PALS2: variants seen among roughly 807,000 people sequenced by gnomAD.
The protein encoded by PALS2 is protein associated with LIN7 2, MAGUK p55 family member, also known as protein PALS2.
Under a neutral mutation model 61.6 loss-of-function variants are expected in PALS2, and 27 were observed. The observed-to-expected ratio is 0.44, with a 90% CI of 0.32 to 0.60. The LOEUF is 0.60. Ranked by LOEUF, PALS2 falls within the 20% of genes least tolerant of loss-of-function variation. The pLI is 0.05. For missense variants in PALS2, 554 were observed against 639.4 expected, an observed-to-expected ratio of 0.87 and a Z score of 1.44; for synonymous variants, 236 against 218.6, an observed-to-expected ratio of 1.08 and a Z score of -0.70.
At chr7:24,625,961 G>A (rs1393361156) in intron 2 of PALS2, among the ~76,000 whole-genome samples, 2 of 151,814 alleles carry the variant, frequency 1.3e-5, no homozygotes, top group African/African-American at 4.8e-5. Flanking sequence ...CAAATAGAAG[G>A]AAAAAAGAGG....
chr7:24,596,021 A>T lies in PALS2; in HGVS notation c.-3+22428A>T, dbSNP rs1415287004. 6.6e-6 allele frequency among the ~76,000 whole-genome samples: 1 copy of T among 151,948 alleles called. No individual in the cohort carries two copies. Among genetic ancestry groups the T allele is most frequent in the African/African-American group, 2.4e-5 (1 of 41,386 alleles). On this transcript the variant is annotated intron_variant, in intron 1 of 11. Coordinates refer to ENST00000222644, the MANE Select transcript of PALS2 (RefSeq NM_001303037.2). This position sits in a 1 kb window ranked among gnomAD's most constrained non-coding sequence, Gnocchi z 4.5. Reference sequence around the variant, plus strand: ...TTGGAGAAGTTGAACGCAGAGAGGTACAGTGGGTGACAAATCATGAAGGCG... The same window carrying T: ...TTGGAGAAGTTGAACGCAGAGAGGTTCAGTGGGTGACAAATCATGAAGGCG...
At chr7:24,608,019 A>C (rs1168236877) in intron 1 of PALS2, among the ~76,000 whole-genome samples, 7 of 152,166 alleles carry the variant, frequency 4.6e-5, no homozygotes. Context: ...TAATTAGACT[A>C]CATCTTTTAC....
At chr7:24,683,317 G>A (rs548761197) in intron 11 of PALS2, among the ~76,000 whole-genome samples, 1 of 152,184 alleles carries the variant, frequency 6.6e-6, no homozygotes, top group Non-Finnish European at 1.5e-5. Flanking sequence ...TTGTAGGTCA[G>A]CTTTCAGAAT....
chr7:24,676,473 C>T (rs575177101), intron 9 of PALS2, among the ~76,000 whole-genome samples: 24 of 151,642 alleles, frequency 1.6e-4, no homozygotes, highest in South Asian at 1.5e-3. Flanking sequence ...TGAATGGTAA[C>T]GCCTAGGTTT....
intron 1 of PALS2, among the ~76,000 whole-genome samples, chr7:24,602,925 C>T (rs1334404385): frequency 1.3e-5 from 2 of 152,246 alleles, no homozygotes; most frequent in East Asian, 3.9e-4. Flanking sequence ...TTCCCTGCTG[C>T]CACTCATTCT....
rs1288918374 is a variant in PALS2 at position 24,674,402 on chromosome 7, TCAGTGC to T, written c.1115-4728_1115-4723del. 1.6e-4 allele frequency: 25 copies of T among 153,426 alleles called. No homozygotes were observed. In the South Asian group the frequency reaches 3.1e-3, roughly 19 times the overall value. The allele number at this position is 153,426 out of a possible 1,614,324, so 9.5% of individuals were successfully genotyped here. ...TGAATTAGCCATATGATTCAGCTCT[TCAGTGC>T]TCACCACAGTGCTGATCTTTTTCCC... On this transcript the variant is annotated intron_variant, in intron 9 of 11. Coordinates refer to ENST00000222644, the MANE Select transcript of PALS2 (RefSeq NM_001303037.2).
chr7:24,609,216 C>T (rs1784028909), intron 1 of PALS2, among the ~76,000 whole-genome samples: 1 of 152,104 alleles, frequency 6.6e-6, no homozygotes, highest in Non-Finnish European at 1.5e-5. Context: ...AGGATTATAT[C>T]TGATGAGGAT....
intron 5 of PALS2, among the ~76,000 whole-genome samples, chr7:24,660,924 ATAAAG>A (rs1786686145): frequency 1.3e-5 from 2 of 152,220 alleles, no homozygotes; most frequent in South Asian, 4.1e-4. Context: ...AAAAAATGTT[ATAAAG>A]TAGTTTTAAT....
Position 24,689,397 on chromosome 7 carries a change from G to A in PALS2, c.*1783G>A, listed in dbSNP as rs1484865274. The A allele has an allele frequency of 6.6e-6, 1 of 152,106 alleles. No homozygotes were observed. Among genetic ancestry groups the A allele is most frequent in the African/African-American group, 2.4e-5 (1 of 41,422 alleles). 9.4% of individuals were successfully genotyped at this position (152,106 alleles called of 1,614,324 possible). Reference sequence around the variant, plus strand: ...GTCTGGTGTTAGGTGCCAGACACCTGGCTGCTGAATTTGTTTTTTCCCTCA... The same window carrying A: ...GTCTGGTGTTAGGTGCCAGACACCTAGCTGCTGAATTTGTTTTTTCCCTCA... On this transcript the variant is annotated 3_prime_UTR_variant, in exon 12 of 12. Transcript: ENST00000222644.
At chr7:24,652,636 T>C (rs1239481800) in intron 5 of PALS2, among the ~76,000 whole-genome samples, 1 of 151,962 alleles carries the variant, frequency 6.6e-6, no homozygotes, top group African/African-American at 2.4e-5. Context: ...TATGCTGGAA[T>C]AATAGGCATA....
chr7:24,599,525 T>TTTA (rs4000763), intron 1 of PALS2, among the ~76,000 whole-genome samples: 1 of 143,624 alleles, frequency 7.0e-6, no homozygotes, highest in African/African-American at 2.6e-5. Flanking sequence ...TTTTTTTTTT[T>TTTA]ATGGAGTCTT....
intron 9 of PALS2, 113 bp from the exon 10 acceptor site, chr7:24,679,018 G>T (rs959311732): frequency 6.1e-6 from 5 of 817,422 alleles, no homozygotes; most frequent in Admixed American, 2.2e-5. Flanking sequence ...TCTGGTCATA[G>T]CCTACAGTTT....
intron 1 of PALS2, among the ~76,000 whole-genome samples, chr7:24,576,312 A>G (rs1267879968): frequency 1.3e-5 from 2 of 152,054 alleles, no homozygotes; most frequent in Admixed American, 6.6e-5. Flanking sequence ...AGCTGCAATG[A>G]TTTTCCTCCT....
In PALS2 at chr7:24,618,146, A is replaced by C. The variant is rs532090504; in HGVS notation, c.-2-5520A>C. On this transcript the variant is annotated intron_variant, in intron 1 of 11. Transcript: ENST00000222644. The surrounding 1 kb of genome is among the most constrained non-coding windows in gnomAD (Gnocchi z 5.1). ...TTTCAGGCTCAGGACATGGGTGTGCAACTACCCGGCCACCATGGGGACATG... is the reference window on the plus strand; with the variant it reads ...TTTCAGGCTCAGGACATGGGTGTGCCACTACCCGGCCACCATGGGGACATG... Among the ~76,000 whole-genome samples the C allele has an allele frequency of 1.3e-5, 2 of 152,212 alleles. No individual in the cohort carries two copies. The highest frequency in any genetic ancestry group is 4.8e-5 in the African/African-American group (2 of 41,518).
rs138893524 is a variant in PALS2, at chr7:24,641,973, A to G, written c.270+105A>G. 1.6e-4 allele frequency: 200 copies of G among 1,238,962 alleles called. No individual in the cohort carries two copies. In the African/African-American group the frequency reaches 2.7e-3, roughly 17 times the overall value. The allele number at this position is 1,238,962 out of a possible 1,614,324, so 76.7% of individuals were successfully genotyped here. On this transcript the variant is annotated intron_variant, in intron 3 of 11. Coordinates refer to ENST00000222644, the MANE Select transcript of PALS2 (RefSeq NM_001303037.2). ...TTTTCTTCAAAGATTATTTAGGGCTATAATAGGTAAGTATGTAAATTCCAA... is the reference window on the plus strand; with the variant it reads ...TTTTCTTCAAAGATTATTTAGGGCTGTAATAGGTAAGTATGTAAATTCCAA...
chr7:24,659,948 C>T (rs1464563758), intron 5 of PALS2, among the ~76,000 whole-genome samples: 3 of 152,192 alleles, frequency 2.0e-5, no homozygotes, highest in Admixed American at 6.5e-5. Flanking sequence ...AGTTCATCTC[C>T]TCAACTTAGA....
rs553397522 is a variant in PALS2 at position 24,677,536 on chromosome 7, G to A, written c.1115-1595G>A. On this transcript the variant is annotated intron_variant, in intron 9 of 11. Coordinates refer to ENST00000222644, the MANE Select transcript of PALS2 (RefSeq NM_001303037.2). ...TCATAGATAGCTCTTATTATTTTGA[G>A]ATACGTCCCATCAATACCTAATTTA... Among the ~76,000 whole-genome samples the A allele has an allele frequency of 1.6e-4, 24 of 151,786 alleles. No individual in the cohort carries two copies. The South Asian group carries it at 4.0e-3, about 25-fold the overall frequency.
At chr7:24,665,982 A>T in intron 7 of PALS2, 39 bp from the exon 8 acceptor site, 1 of 1,557,372 alleles carries the variant, frequency 6.4e-7, no homozygotes, top group Admixed American at 1.7e-5. Flanking sequence ...TCATATTCTG[A>T]TATACTGCTT....
chr7:24,663,527 AT>A, intron 5 of PALS2, 62 bp from the exon 6 acceptor site: 1 of 1,440,640 alleles, frequency 6.9e-7, no homozygotes, highest in East Asian at 2.4e-5. Context: ...TTTGACAAGG[AT>A]TTTTTAAATT....
Sources: gnomAD v4.1 joint callset for allele counts (sites outside exome capture counted in the v4.1 genomes callset) on GRCh38, gnomAD v4.1.1 for gene constraint, Gnocchi (gnomAD v3.1) non-coding constraint, MANE v1.5 for transcripts, NCBI Gene and HGNC (gene_info 2026-07-23, HGNC 2026-07-21) for gene names.